Variants in PHLDB2 observed in about 807,000 individuals in gnomAD.
PHLDB2 encodes the protein pleckstrin homology like domain family B member 2, also known as pleckstrin homology-like domain family B member 2.
A neutral mutation model predicts 123.6 loss-of-function variants in PHLDB2; 71 were observed. The observed-to-expected ratio is 0.57, with a 90% confidence interval of 0.47 to 0.70. PHLDB2 has a LOEUF of 0.70. Among genes scored for constraint, PHLDB2 ranks in the 30% least tolerant of loss-of-function variants. PHLDB2 has a pLI of 0.00. For synonymous variants in PHLDB2, 547 were observed against 541.6 expected, an observed-to-expected ratio of 1.01 and a Z score of -0.14; for missense variants, 1,446 against 1,519.5, an observed-to-expected ratio of 0.95 and a Z score of 0.80.
intron 1 of PHLDB2, among the ~76,000 whole-genome samples, chr3:111,784,572 G>T (rs1002128361): frequency 2.6e-5 from 4 of 152,072 alleles, no homozygotes; most frequent in Non-Finnish European, 2.9e-5. Flanking sequence ...ACTAATTTTT[G>T]ATTGTGTTTA....
At chr3:111,857,675 C>T (rs2064582678), upstream of PHLDB2, among the ~76,000 whole-genome samples, 1 of 151,938 alleles carries the variant, frequency 6.6e-6, no homozygotes, top group Admixed American at 6.6e-5. Context: ...TCTAAAAAAC[C>T]CGGCATTCCT....
chr3:111,745,654 C>T (rs2059668524), intron 1 of PHLDB2, among the ~76,000 whole-genome samples: 2 of 152,206 alleles, frequency 1.3e-5, no homozygotes, highest in South Asian at 4.2e-4. Flanking sequence ...CCCAGCTACT[C>T]AGGAGGCTGA....
chr3:111,758,392 A>G (rs6438009), intron 1 of PHLDB2, among the ~76,000 whole-genome samples: 75,835 of 151,986 alleles, frequency 0.5, 19,503 homozygotes, highest in African/African-American at 0.62. Context: ...CTCTGTGGGC[A>G]TAGGACCCTC....
intron 1 of PHLDB2, among the ~76,000 whole-genome samples, chr3:111,789,027 C>G (rs963447778): frequency 6.6e-6 from 1 of 152,174 alleles, no homozygotes; most frequent in Admixed American, 6.5e-5. Flanking sequence ...ATGTTCTTCT[C>G]CCTGTTGGAA....
chr3:111,842,849 A>G (rs9854765), intron 1 of PHLDB2, among the ~76,000 whole-genome samples: 24,850 of 152,204 alleles, frequency 0.16, 2,153 homozygotes, highest in Admixed American at 0.19. Flanking sequence ...ATATAAATGT[A>G]ATCATGTAAT....
Position 111,974,486 on chromosome 3 carries a change from C to T in PHLDB2, c.3685C>T (p.Pro1229Ser). The change falls in exon 18 of 18, where the codon CCA (proline) becomes TCA (serine). Residue 1229 changes from proline to serine, a missense_variant. Around this residue, in one of 3 missense-constraint regions of PHLDB2, gnomAD observed 594 missense variants for 646.0 expected, o/e 0.92. Transcript: ENST00000431670. ...THDRIYYMVA[P>S]SPEAMRIWMD... ...TGACAGAATCTATTATATGGTAGCC[C>T]CATCGCCAGAAGCCATGCGGATCTG... 6.2e-7 allele frequency: 1 copy of T among 1,613,532 alleles called. No individual in the cohort carries two copies. Among genetic ancestry groups the T allele is most frequent in the African/African-American group, 1.3e-5 (1 of 75,002 alleles).
chr3:111,811,309 C>A (rs1415488969), intron 1 of PHLDB2, among the ~76,000 whole-genome samples: 1 of 152,074 alleles, frequency 6.6e-6, no homozygotes, highest in Non-Finnish European at 1.5e-5. Flanking sequence ...ATAGGAGAGT[C>A]CAAGTCTCTT....
At chr3:111,830,955 G>GAGAGAGAA (rs1553736315) in intron 1 of PHLDB2, among the ~76,000 whole-genome samples, 1 of 63,678 alleles carries the variant, frequency 1.6e-5, no homozygotes, top group East Asian at 6.1e-4. Context: ...AAGAAAGAAA[G>GAGAGAGAA]AGAAAGAAAG....
In PHLDB2 at chr3:111,815,398, C is replaced by A. The variant is rs141441286; in HGVS notation, c.-48-30423C>A. Among the ~76,000 whole-genome samples, 3 of 152,264 alleles carry A rather than the reference C, an allele frequency of 2.0e-5. No individual in the cohort carries two copies. In the East Asian group the frequency reaches 5.8e-4, roughly 29 times the overall value. ...AAGTTTGGAACTCCCTAGAGACTTACTGAATGACTTTGACAAAGTGCTGAT... is the reference window on the plus strand; with the variant it reads ...AAGTTTGGAACTCCCTAGAGACTTAATGAATGACTTTGACAAAGTGCTGAT... On this transcript the variant is annotated intron_variant, in intron 1 of 17. Coordinates refer to the PHLDB2 transcript ENST00000393923.
chr3:111,866,591 A>C (rs1003498014), intron 1 of PHLDB2, among the ~76,000 whole-genome samples: 2 of 151,846 alleles, frequency 1.3e-5, no homozygotes, highest in African/African-American at 4.8e-5. Context: ...CCTCCCATAC[A>C]CTCTCCTCAG....
intron 1 of PHLDB2, among the ~76,000 whole-genome samples, chr3:111,794,972 T>C (rs1211214317): frequency 1.3e-5 from 2 of 152,204 alleles, no homozygotes; most frequent in Admixed American, 6.5e-5. Flanking sequence ...TGTTTTTATG[T>C]TCACTCCAGG....
intron 1 of PHLDB2, among the ~76,000 whole-genome samples, chr3:111,793,526 CA>C (rs1009962421): frequency 6.6e-6 from 1 of 151,946 alleles, no homozygotes; most frequent in African/African-American, 2.4e-5. Context: ...AGCTGATAAC[CA>C]AGTGCAAGAC....
At chr3:111,824,604 G>A (rs904329225) in intron 1 of PHLDB2, among the ~76,000 whole-genome samples, 5 of 152,184 alleles carry the variant, frequency 3.3e-5, no homozygotes, top group African/African-American at 1.2e-4. Flanking sequence ...GTAAAAGCAT[G>A]TAGCCCTGAT....
upstream of PHLDB2, among the ~76,000 whole-genome samples, chr3:111,858,552 T>A (rs888044272): frequency 3.3e-5 from 5 of 152,194 alleles, no homozygotes; most frequent in African/African-American, 9.7e-5. Context: ...ATGAAAAGTG[T>A]AATCATTAAA....
chr3:111,967,925 G>T, intron 15 of PHLDB2, 101 bp downstream of exon 15: 1 of 871,408 alleles, frequency 1.1e-6, no homozygotes, highest in African/African-American at 1.9e-5. Context: ...TGGGCACTGA[G>T]CATTAGCACT....
rs2072049858 is a variant in PHLDB2, at chr3:111,969,899, T to G, written c.3525T>G (p.Ser1175=). The G allele has an allele frequency of 2.5e-6, 4 of 1,613,704 alleles. No individual in the cohort carries two copies. The highest frequency in any genetic ancestry group is 1.7e-5 in the Admixed American group (1 of 59,990). The change falls in exon 16 of 18, where the codon TCT becomes TCG. Residue 1175 remains serine (S), a synonymous_variant. Coordinates refer to ENST00000431670, the MANE Select transcript of PHLDB2 (RefSeq NM_001134438.2). ...TTGATCGGAACAAGCGAACATTCTC[T>G]TATTATGCAGGTGGGTGATAAAAAC... The part of the protein sequence containing the change: ...FVFDRNKRTF[S]YYADKHETKL...
At chr3:111,920,548 T>A in intron 5 of PHLDB2, 129 bp downstream of exon 5, 2 of 1,152,662 alleles carry the variant, frequency 1.7e-6, no homozygotes, top group Non-Finnish European at 2.4e-6. Flanking sequence ...GCAGTGGCAC[T>A]AGAGAAAAAT....
chr3:111,915,070 C>A (rs977975602), intron 3 of PHLDB2: 1 of 152,018 alleles, frequency 6.6e-6, no homozygotes, highest in African/African-American at 2.4e-5. Flanking sequence ...GAGGAAAAAG[C>A]AGATATGATA....
At chr3:111,846,039 C>T in intron 2 of PHLDB2, 3 of 1,182,076 alleles carry the variant, frequency 2.5e-6, no homozygotes, top group Non-Finnish European at 3.6e-6. Flanking sequence ...ACCCAGGAGT[C>T]CAGCAATCAT....
Sources: allele counts gnomAD v4.1 joint callset (sites outside exome capture counted in the v4.1 genomes callset), GRCh38; gene constraint gnomAD v4.1.1; regional missense constraint gnomAD v4.1.1; transcripts MANE v1.5; gene names NCBI Gene and HGNC (gene_info 2026-07-23, HGNC 2026-07-21).